The following ADAMTSL1 variants were observed in gnomAD, a reference collection of about 807,000 sequenced individuals.
ADAMTSL1 encodes ADAMTS like 1.
In ADAMTSL1, 126 loss-of-function variants were observed where a neutral mutation model predicts 201.8. The ratio of observed to expected loss-of-function variants is 0.62; its 90% confidence interval spans 0.54 to 0.72. ADAMTSL1 has a LOEUF of 0.72. Ranked by LOEUF, ADAMTSL1 falls within the 30% of genes least tolerant of loss-of-function variation. The pLI is 0.00. For synonymous variants in ADAMTSL1, 1,121 were observed against 903.4 expected, an observed-to-expected ratio of 1.24 and a Z score of -4.32; for missense variants, 2,679 against 2,277.8, an observed-to-expected ratio of 1.18 and a Z score of -3.59.
intron 1 of ADAMTSL1, among the ~76,000 whole-genome samples, chr9:18,089,971 A>G (rs1823937144): frequency 6.6e-6 from 1 of 152,174 alleles, no homozygotes; most frequent in Admixed American, 6.5e-5. Flanking sequence ...TATAATTTAT[A>G]TTAAGTTTGG....
chr9:18,460,050 C>T (rs190608685), intron 2 of ADAMTSL1, among the ~76,000 whole-genome samples: 90 of 152,248 alleles, frequency 5.9e-4, no homozygotes, highest in African/African-American at 2.1e-3. Context: ...ATGCTCTCAA[C>T]TTGAATAGAG....
chr9:18,076,719 G>T (rs561152033), intron 1 of ADAMTSL1, among the ~76,000 whole-genome samples: 27 of 152,238 alleles, frequency 1.8e-4, no homozygotes, highest in Non-Finnish European at 2.4e-4. Flanking sequence ...GTTAACGGCT[G>T]GGAGACAGGA....
intron 23 of ADAMTSL1, among the ~76,000 whole-genome samples, chr9:18,849,487 C>T (rs1826344382): frequency 6.6e-6 from 1 of 152,202 alleles, no homozygotes; most frequent in Non-Finnish European, 1.5e-5. Context: ...ACTACTTCCT[C>T]TCTTAGCGGT....
At chr9:18,287,874 T>A (rs1833081084) in intron 2 of ADAMTSL1, among the ~76,000 whole-genome samples, 1 of 152,204 alleles carries the variant, frequency 6.6e-6, no homozygotes. Context: ...GCTCCTCTAA[T>A]CCCATTCAAG....
intron 4 of ADAMTSL1, among the ~76,000 whole-genome samples, chr9:18,609,420 G>A (rs1299447083): frequency 8.6e-6 from 1 of 116,516 alleles, no homozygotes; most frequent in East Asian, 1.9e-4. Context: ...ACTTTAGCAG[G>A]GTAGAGGGAA....
chr9:18,562,650 A>G (rs1488374492), intron 3 of ADAMTSL1, among the ~76,000 whole-genome samples: 1 of 152,162 alleles, frequency 6.6e-6, no homozygotes, highest in African/African-American at 2.4e-5. Context: ...TTTCAGGTAC[A>G]CCAGTCAAAC....
intron 15 of ADAMTSL1, among the ~76,000 whole-genome samples, chr9:18,740,561 C>A (rs576856687): frequency 6.7e-6 from 1 of 148,816 alleles, no homozygotes; most frequent in East Asian, 2.0e-4. Context: ...ATTGCAGCCT[C>A]CACCTCCCCG....
intron 2 of ADAMTSL1, among the ~76,000 whole-genome samples, chr9:18,400,448 AG>A (rs1817942568): frequency 6.6e-6 from 1 of 152,200 alleles, no homozygotes; most frequent in Non-Finnish European, 1.5e-5. Flanking sequence ...CAAACTTGGA[AG>A]GCCTTTACTA....
In ADAMTSL1 at chr9:17,937,026, G is replaced by A. The variant is rs921830435; in HGVS notation, c.87+30104G>A. Among the ~76,000 whole-genome samples the A allele has an allele frequency of 7.2e-5, 11 of 152,236 alleles. No homozygotes were observed. The South Asian group carries it at 1.2e-3, about 17-fold the overall frequency. ...GAGATCCTTGCTCCACTGGCCCTCC[G>A]CTAGCCAGTGTGTGATTGCTTTCTC... On this transcript the variant is annotated intron_variant, in intron 1 of 29. Transcript: ENST00000680146.
intron 1 of ADAMTSL1, among the ~76,000 whole-genome samples, chr9:17,921,619 G>A (rs13287592): frequency 0.099 from 15,048 of 152,026 alleles, 808 homozygotes; most frequent in South Asian, 0.2. Flanking sequence ...TGGTTATGAG[G>A]CACACTTTTC....
intron 1 of ADAMTSL1, among the ~76,000 whole-genome samples, chr9:18,498,382 G>A (rs1454954525): frequency 6.8e-6 from 1 of 147,866 alleles, no homozygotes; most frequent in East Asian, 2.0e-4. Context: ...TGTTGCCCAG[G>A]CTGGAGTGCA....
intron 1 of ADAMTSL1, among the ~76,000 whole-genome samples, chr9:17,963,885 C>G (rs1229594072): frequency 6.6e-6 from 1 of 152,126 alleles, no homozygotes; most frequent in Non-Finnish European, 1.5e-5. Flanking sequence ...TCCTCAGTGA[C>G]AGCTGGAATC....
intron 2 of ADAMTSL1, among the ~76,000 whole-genome samples, chr9:18,208,583 T>C (rs150579574): frequency 2.6e-4 from 40 of 152,294 alleles, no homozygotes; most frequent in Middle Eastern, 6.8e-3. Context: ...ATAAATATTT[T>C]AGTCCTTATG....
chr9:18,656,351 G>A (rs78455104), intron 7 of ADAMTSL1, among the ~76,000 whole-genome samples: 355 of 152,122 alleles, frequency 2.3e-3, no homozygotes, highest in Non-Finnish European at 3.4e-3. Context: ...GTAAGACTTG[G>A]CCAGGCACGG....
In ADAMTSL1 at chr9:18,806,006, G is replaced by C. The variant is rs59654985; in HGVS notation, c.3805+10482G>C. ...TAGCCTAAACTGCCTTAGCCAAACAGAGAATCTAAGTCCTTGAAGTACAAC... is the reference window on the plus strand; with the variant it reads ...TAGCCTAAACTGCCTTAGCCAAACACAGAATCTAAGTCCTTGAAGTACAAC... On this transcript the variant is annotated intron_variant, in intron 20 of 28. Coordinates refer to ENST00000380548, the MANE Select transcript of ADAMTSL1 (RefSeq NM_001040272.6). Among the ~76,000 whole-genome samples the C allele has an allele frequency of 4.5e-3, 688 of 152,306 alleles. 3 individuals are homozygous for C. Among genetic ancestry groups the C allele is most frequent in the African/African-American group, 0.016 (646 of 41,570 alleles).
At chr9:17,916,891 T>A (rs1350723889) in intron 1 of ADAMTSL1, among the ~76,000 whole-genome samples, 1 of 152,192 alleles carries the variant, frequency 6.6e-6, no homozygotes, top group Non-Finnish European at 1.5e-5. Context: ...TTACTAATAC[T>A]GAGTTTCATG....
chr9:17,914,540 C>T (rs111548481), intron 1 of ADAMTSL1, among the ~76,000 whole-genome samples: 7 of 151,694 alleles, frequency 4.6e-5, no homozygotes, highest in Non-Finnish European at 1.0e-4. Context: ...TAAGAGCTAT[C>T]TATGACAAAC....
intron 1 of ADAMTSL1, among the ~76,000 whole-genome samples, chr9:17,948,338 T>C (rs1490637424): frequency 1.3e-5 from 2 of 152,214 alleles, no homozygotes. Context: ...AAATGTGTGC[T>C]TCTCTGCATT....
Position 18,876,814 on chromosome 9 carries a change from A to C in ADAMTSL1, c.4250-11017A>C, listed in dbSNP as rs553143434. On this transcript the variant is annotated intron_variant, in intron 23 of 28. Coordinates refer to ENST00000380548, the MANE Select transcript of ADAMTSL1 (RefSeq NM_001040272.6). ...TCTAGATGTCTAGCAAGGTCAGGGA[A>C]GTTTTCCTCGATTATTCCCTCAAAT... Among the ~76,000 whole-genome samples, 4 of 152,320 alleles carry C rather than the reference A, an allele frequency of 2.6e-5. No homozygotes were observed. In the South Asian group the frequency reaches 6.2e-4, roughly 24 times the overall value.
Sources: gnomAD v4.1 joint callset for allele counts (sites outside exome capture counted in the v4.1 genomes callset) on GRCh38, gnomAD v4.1.1 for gene constraint, MANE v1.5 for transcripts, NCBI Gene and HGNC (gene_info 2026-07-23, HGNC 2026-07-21) for gene names.